The following CLEC17A variants were observed in gnomAD, a reference collection of about 807,000 sequenced individuals.
CLEC17A encodes C-type lectin domain family 17, member A.
In CLEC17A, 37 loss-of-function variants were observed where a neutral mutation model predicts 61.3. The ratio of observed to expected loss-of-function variants is 0.60; its 90% CI spans 0.46 to 0.79. The LOEUF (loss-of-function observed/expected upper bound fraction) is 0.79. Ranked by LOEUF, CLEC17A falls within the 30% of genes least tolerant of loss-of-function variation. CLEC17A has a pLI of 0.00. For missense variants in CLEC17A, 418 were observed against 464.7 expected (o/e 0.90, Z 0.92); for synonymous variants, 168 against 164.9 (o/e 1.02, Z -0.14).
chr19:14,605,246 A>G (rs10408691), intron 12 of CLEC17A, among the ~76,000 whole-genome samples: 1 of 151,754 alleles, frequency 6.6e-6, no homozygotes, highest in Non-Finnish European at 1.5e-5. Context: ...TACAGGCATG[A>G]CACCACGCCT....
At position 14,586,632 on chromosome 19, in the gene CLEC17A, G is replaced by A. The variant is rs375415099; in HGVS notation, c.122-982G>A. Reference sequence around the variant, plus strand: ...TACAGAGATAGGGTCTTGCTATGTTGCCCAGGCTGGTCTTGAACTCCTGGC... The same window carrying A: ...TACAGAGATAGGGTCTTGCTATGTTACCCAGGCTGGTCTTGAACTCCTGGC... On this transcript the variant is annotated intron_variant, in intron 2 of 13. Transcript: ENST00000417570. Among the ~76,000 whole-genome samples, 208 of 151,912 alleles carry A rather than the reference G, an allele frequency of 1.4e-3. 5 individuals carry two copies. The South Asian group carries it at 0.042, about 31-fold the overall frequency.
chr19:14,594,718 G>GGAA, intron 6 of CLEC17A, 36 bp downstream of exon 6: 1 of 1,613,948 alleles, frequency 6.2e-7, no homozygotes, highest in Non-Finnish European at 8.5e-7. Context: ...CTGCTCACCT[G>GGAA]GCTGAAGCCC....
intron 10 of CLEC17A, among the ~76,000 whole-genome samples, chr19:14,597,848 C>T (rs576674753): frequency 6.6e-6 from 1 of 152,254 alleles, no homozygotes; most frequent in Admixed American, 6.5e-5. Flanking sequence ...AGGTATTCCT[C>T]CTGCCGCAGC....
chr19:14,594,401 C>T, intron 4 of CLEC17A, 116 bp from the exon 5 acceptor site: 2 of 1,366,882 alleles, frequency 1.5e-6, no homozygotes, highest in Non-Finnish European at 1.0e-6. Context: ...TACGTCCAAC[C>T]CCGTCTGTAA....
intron 2 of CLEC17A, 33 bp from the exon 3 acceptor site, chr19:14,587,581 T>A: frequency 1.3e-6 from 2 of 1,549,816 alleles, no homozygotes; most frequent in South Asian, 2.4e-5. Context: ...GAGGAGGGAA[T>A]GGCTGGGCTC....
intron 13 of CLEC17A, among the ~76,000 whole-genome samples, chr19:14,608,880 A>G (rs2074975191): frequency 6.6e-6 from 1 of 151,314 alleles, no homozygotes; most frequent in Non-Finnish European, 1.5e-5. Flanking sequence ...GCTCACTGCA[A>G]CTTCTGCCTC....
chr19:14,592,274 C>T lies in CLEC17A; in HGVS notation c.200-7C>T. The T allele has an allele frequency of 1.3e-6, 2 of 1,588,698 alleles. No individual in the cohort carries two copies. Among genetic ancestry groups the T allele is most frequent in the African/African-American group, 1.3e-5 (1 of 74,362 alleles). ...GGCTGGGCTCTGACTTGCCTTTCCC[C>T]TGGAAGGGACCATGGAGGAGGAGGA... On this transcript the variant is annotated splice_region_variant and splice_polypyrimidine_tract_variant and intron_variant, in intron 3 of 13. Transcript: ENST00000417570.
chr19:14,587,427 C>A (rs911815158), intron 2 of CLEC17A, among the ~76,000 whole-genome samples, 187 bp from the exon 3 acceptor site: 16 of 152,148 alleles, frequency 1.1e-4, no homozygotes, highest in Admixed American at 5.2e-4. Context: ...CATGCACAAC[C>A]TGTATTCTAT....
In CLEC17A at chr19:14,600,067, C is replaced by A; in HGVS notation, c.779C>A (p.Pro260His). Residue 260 changes from proline to histidine, a missense_variant, in exon 12 of 14, where the codon CCC becomes CAC. Transcript: ENST00000417570. ...ATTACCTGTCCTGAAGGCTGGCTGC[C>A]CTTTGAGGGCAAGTGTTACTACTTC... ...RRITCPEGWLPFEGKCYYFSP... is the reference protein window; with the variant it reads ...RRITCPEGWLHFEGKCYYFSP... The A allele has an allele frequency of 1.2e-6, 2 of 1,614,006 alleles. No individual in the cohort carries two copies. Among genetic ancestry groups the A allele is most frequent in the Non-Finnish European group, 1.7e-6 (2 of 1,179,888 alleles).
intron 12 of CLEC17A, among the ~76,000 whole-genome samples, chr19:14,600,902 T>A (rs1363888145): frequency 3.4e-5 from 3 of 89,318 alleles, no homozygotes; most frequent in African/African-American, 7.6e-5. Context: ...TTTTTTTTTT[T>A]TTTTTTTTTT....
chr19:14,591,839 T>G (rs1331357476), intron 3 of CLEC17A, among the ~76,000 whole-genome samples: 2 of 151,934 alleles, frequency 1.3e-5, no homozygotes, highest in African/African-American at 4.8e-5. Context: ...ATTACAGATG[T>G]GAGCCACCAC....
At chr19:14,599,375 A>G (rs748388214) in intron 10 of CLEC17A, among the ~76,000 whole-genome samples, 7 of 152,096 alleles carry the variant, frequency 4.6e-5, no homozygotes, top group Admixed American at 2.0e-4. Context: ...GGTGTGAGCC[A>G]CCATGGGCAG....
At chr19:14,594,827 T>C (rs1568452953) in intron 7 of CLEC17A, 27 bp downstream of exon 7, 1 of 1,602,144 alleles carries the variant, frequency 6.2e-7, no homozygotes, top group Admixed American at 1.7e-5. Flanking sequence ...CCCTTTAAGA[T>C]GCCTAAGAGG....
At chr19:14,587,749 G>T in intron 3 of CLEC17A, 58 bp downstream of exon 3, 1 of 1,603,730 alleles carries the variant, frequency 6.2e-7, no homozygotes. Context: ...GTCTCCAGTG[G>T]GCATTGGTTG....
chr19:14,606,928 G>T, intron 12 of CLEC17A, 65 bp from the exon 13 acceptor site: 1 of 784,130 alleles, frequency 1.3e-6, no homozygotes, highest in South Asian at 5.4e-5. Context: ...ACAGGGCACA[G>T]GGCAGGTCCT....
chr19:14,607,818 T>A (rs1299468555), intron 13 of CLEC17A, among the ~76,000 whole-genome samples: 1 of 151,718 alleles, frequency 6.6e-6, no homozygotes, highest in Non-Finnish European at 1.5e-5. Context: ...TCAGGTGATC[T>A]GCCCACCTTG....
At chr19:14,605,111 T>C (rs1359775271) in intron 12 of CLEC17A, among the ~76,000 whole-genome samples, 1 of 151,960 alleles carries the variant, frequency 6.6e-6, no homozygotes, top group Non-Finnish European at 1.5e-5. Context: ...CATTTTTTTT[T>C]TTGAGACGGG....
Position 14,597,153 on chromosome 19 carries a change from G to A in CLEC17A, c.638G>A (p.Arg213Gln), listed in dbSNP as rs753078060. ...RMLSFQQMTW[R>Q]TNMTGMAGLA... The stretch of plus-strand genomic sequence containing the variant: ...TTAAGCTTTCAGCAGATGACGTGGC[G>A]AACAAATAGTGAGTGCTTTCAGTCA... The change falls in exon 10 of 14, where the codon CGA becomes CAA. Residue 213 changes from arginine to glutamine, a missense_variant. By Grantham distance (43) the Arg-to-Gln change is conservative. Transcript: ENST00000417570. 2.4e-5 allele frequency: 39 copies of A among 1,610,036 alleles called. No individual in the cohort carries two copies. The highest frequency in any genetic ancestry group is 8.9e-5 in the East Asian group (4 of 44,804).
chr19:14,583,685 T>C (rs2074220115), intron 2 of CLEC17A, among the ~76,000 whole-genome samples: 4 of 151,780 alleles, frequency 2.6e-5, no homozygotes, highest in Admixed American at 2.0e-4. Flanking sequence ...GACTGAGGGC[T>C]CAAATAGAGG....
Sources: gnomAD v4.1 joint callset for allele counts (sites outside exome capture counted in the v4.1 genomes callset) on GRCh38, gnomAD v4.1.1 for gene constraint, MANE v1.5 for transcripts, NCBI Gene and HGNC (gene_info 2026-07-23, HGNC 2026-07-21) for gene names.